Variants in ME3 observed in about 807,000 individuals in gnomAD.
ME3 encodes the protein malic enzyme 3, also known as NADP-dependent malic enzyme, mitochondrial.
A neutral mutation model predicts 68.9 loss-of-function variants in ME3; 48 were observed. The ratio of observed to expected loss-of-function variants is 0.70; its 90% CI spans 0.55 to 0.89. The LOEUF is 0.89. Among genes scored for constraint, ME3 ranks in the 40% least tolerant of loss-of-function variants. The pLI is 0.00. For missense variants in ME3, 675 were observed against 797.4 expected (o/e 0.85, Z 1.85); for synonymous variants, 320 against 318.8 (o/e 1.00, Z -0.04).
At chr11:86,540,981 A>T (rs1293219363) in intron 4 of ME3, among the ~76,000 whole-genome samples, 2 of 152,208 alleles carry the variant, frequency 1.3e-5, no homozygotes, top group African/African-American at 4.8e-5. Context: ...GGTGCAGCCC[A>T]TGGAGAGCAA....
At position 86,617,045 on chromosome 11, in the gene ME3, G is replaced by GTTTTTTTTTTTTTTTT. The variant is rs563738961; in HGVS notation, c.183+54701_183+54716dup. ...ACATCTAAAATACTCCAAGATAGTAGTTTTTTTTTTTTTTTTTTTTTTTTT... is the reference window on the plus strand; with the variant it reads ...ACATCTAAAATACTCCAAGATAGTAGTTTTTTTTTTTTTTTTTTTTTTTTTTTTTTTTTTTTTTTTT... On this transcript the variant is annotated intron_variant, in intron 2 of 14. Transcript: ENST00000543262. 4.6e-4 allele frequency among the ~76,000 whole-genome samples: 26 copies of GTTTTTTTTTTTTTTTT among 56,322 alleles called. 5 individuals carry two copies. The highest frequency in any genetic ancestry group is 1.0e-3 in the Admixed American group (3 of 2,886). 36.9% of individuals were successfully genotyped at this position (56,322 alleles called of 152,430 possible). A position where few individuals can be genotyped will look rare whatever the true frequency, so the allele number is the denominator to read the frequency against.
chr11:86,586,912 A>G (rs1958771690), intron 2 of ME3, among the ~76,000 whole-genome samples: 1 of 152,168 alleles, frequency 6.6e-6, no homozygotes, highest in Non-Finnish European at 1.5e-5. Flanking sequence ...AACTTGTGAA[A>G]AGAACTGAAG....
intron 2 of ME3, among the ~76,000 whole-genome samples, chr11:86,618,975 C>T (rs1943170214): frequency 6.6e-6 from 1 of 152,164 alleles, no homozygotes; most frequent in Non-Finnish European, 1.5e-5. Context: ...TCCCGAAGTG[C>T]TGGGATTACA....
intron 12 of ME3, 121 bp downstream of exon 12, chr11:86,446,944 A>G (rs917305282): frequency 1.1e-5 from 15 of 1,334,658 alleles, no homozygotes; most frequent in African/African-American, 1.5e-5. Flanking sequence ...ATGTTACTTC[A>G]TCTTTCTGAA....
At chr11:86,537,165 T>C (rs1226567820) in intron 4 of ME3, among the ~76,000 whole-genome samples, 3 of 149,696 alleles carry the variant, frequency 2.0e-5, no homozygotes, top group Non-Finnish European at 3.0e-5. Context: ...AGGGATAGCA[T>C]TGGGAGATAC....
intron 4 of ME3, among the ~76,000 whole-genome samples, chr11:86,514,875 C>G (rs958262001): frequency 6.6e-6 from 1 of 152,168 alleles, no homozygotes; most frequent in East Asian, 1.9e-4. Context: ...AAAGTGTGGG[C>G]TCGGGAGTCA....
intron 7 of ME3, among the ~76,000 whole-genome samples, chr11:86,475,850 A>G (rs866140538): frequency 2.0e-5 from 2 of 102,526 alleles, no homozygotes; most frequent in East Asian, 4.8e-4. Context: ...CCTAATATTC[A>G]GTATATATAT....
chr11:86,663,566 T>G (rs2135501067), intron 2 of ME3, among the ~76,000 whole-genome samples: 1 of 152,366 alleles, frequency 6.6e-6, no homozygotes, highest in South Asian at 2.1e-4. Flanking sequence ...GTGAAGGTTT[T>G]TGAAACTGAC....
At chr11:86,446,900 A>T (rs1343724354) in intron 12 of ME3, 165 bp downstream of exon 12, 1 of 963,712 alleles carries the variant, frequency 1.0e-6, no homozygotes, top group African/African-American at 1.7e-5. Flanking sequence ...TTTGACAGCC[A>T]GCTCCACTCC....
chr11:86,624,383 C>G (rs750150556), intron 2 of ME3, among the ~76,000 whole-genome samples: 2 of 152,162 alleles, frequency 1.3e-5, no homozygotes, highest in Admixed American at 6.5e-5. Context: ...TGTGGATTCT[C>G]TGACAAATCC....
intron 4 of ME3, among the ~76,000 whole-genome samples, chr11:86,542,889 A>C (rs369978428): frequency 1.3e-5 from 2 of 152,360 alleles, no homozygotes. Flanking sequence ...AAAAAATGTT[A>C]AGGGCAGCCA....
chr11:86,527,915 A>T (rs1159333331), intron 4 of ME3, among the ~76,000 whole-genome samples: 1 of 152,248 alleles, frequency 6.6e-6, no homozygotes, highest in Non-Finnish European at 1.5e-5. Context: ...AAAAATGTAG[A>T]GACCATCGAG....
intron 7 of ME3, among the ~76,000 whole-genome samples, chr11:86,481,145 G>A (rs942422954): frequency 6.6e-6 from 1 of 151,340 alleles, no homozygotes; most frequent in African/African-American, 2.4e-5. Flanking sequence ...GGGCTTAAGT[G>A]ATCCTCTTGC....
chr11:86,518,602 C>G (rs1448707948), intron 4 of ME3, among the ~76,000 whole-genome samples: 2 of 152,318 alleles, frequency 1.3e-5, no homozygotes, highest in South Asian at 4.1e-4. Context: ...AAAACTAACA[C>G]AATTTGTGTA....
intron 6 of ME3, 142 bp from the exon 7 acceptor site, chr11:86,487,582 C>T: frequency 1.5e-6 from 1 of 654,098 alleles, no homozygotes; most frequent in South Asian, 1.9e-5. Context: ...TCCCCCCCGC[C>T]CAGGTGTCAT....
intron 4 of ME3, among the ~76,000 whole-genome samples, chr11:86,533,393 C>A (rs1017191245): frequency 3.3e-5 from 5 of 151,964 alleles, no homozygotes; most frequent in East Asian, 1.9e-4. Flanking sequence ...GGATAATCTA[C>A]AAGAAATGGA....
intron 2 of ME3, among the ~76,000 whole-genome samples, chr11:86,646,493 G>C (rs1350280518): frequency 6.6e-6 from 1 of 152,158 alleles, no homozygotes; most frequent in African/African-American, 2.4e-5. Flanking sequence ...ATGAAGACAG[G>C]ATTAGAGAAC....
intron 2 of ME3, among the ~76,000 whole-genome samples, chr11:86,602,450 A>C (rs1213010473): frequency 6.6e-6 from 1 of 152,196 alleles, no homozygotes; most frequent in Non-Finnish European, 1.5e-5. Flanking sequence ...CAATGAAATA[A>C]AAGAGGATAC....
intron 8 of ME3, among the ~76,000 whole-genome samples, chr11:86,457,033 T>C (rs1949978815): frequency 6.6e-6 from 1 of 152,164 alleles, no homozygotes; most frequent in South Asian, 2.1e-4. Flanking sequence ...AAGTACTTGC[T>C]TTTCCCCCTG....
Sources: allele counts gnomAD v4.1 joint callset (sites outside exome capture counted in the v4.1 genomes callset), GRCh38; gene constraint gnomAD v4.1.1; transcripts MANE v1.5; gene names NCBI Gene and HGNC (gene_info 2026-07-23, HGNC 2026-07-21).